Variants in NBAS observed in about 807,000 individuals in gnomAD.
NBAS encodes the protein NBAS subunit of NRZ tethering complex, also known as NAG/BC035112 fusion.
NBAS carries 219 observed loss-of-function variants against 302.5 expected under a neutral mutation model. That is an observed-to-expected ratio of 0.72 (90% CI 0.65 to 0.81). The LOEUF (loss-of-function observed/expected upper bound fraction) is 0.81, where lower values mean the gene tolerates loss of function less well. Among genes scored for constraint, NBAS ranks in the 30% least tolerant of loss-of-function variants. The pLI is 0.00. For synonymous variants in NBAS, 1,118 were observed against 1,021.6 expected, an observed-to-expected ratio of 1.09 and a Z score of -1.80; for missense variants, 2,932 against 2,841.6, an observed-to-expected ratio of 1.03 and a Z score of -0.72.
the NBAS span, among the ~76,000 whole-genome samples, chr2:14,846,422 A>T: frequency 6.6e-6 from 1 of 151,164 alleles, no homozygotes; most frequent in African/African-American, 2.5e-5. Context: ...AGAAATGCTA[A>T]AAGGAGTACT....
At chr2:15,006,500 G>T in the NBAS span, among the ~76,000 whole-genome samples, 1 of 152,026 alleles carries the variant, frequency 6.6e-6, no homozygotes, top group African/African-American at 2.4e-5. Context: ...AATATTAATT[G>T]TATACACAAT....
At chr2:14,906,529 C>A in the NBAS span, among the ~76,000 whole-genome samples, 1 of 152,100 alleles carries the variant, frequency 6.6e-6, no homozygotes, top group African/African-American at 2.4e-5. Flanking sequence ...TCCTGGGGAC[C>A]CACCTTTACT....
At chr2:15,213,423 A>G (rs1009376071) in intron 48 of NBAS, among the ~76,000 whole-genome samples, 2 of 152,208 alleles carry the variant, frequency 1.3e-5, no homozygotes, top group Non-Finnish European at 1.5e-5. Context: ...AATGTTTTCT[A>G]TTCTGTCAAA....
intron 13 of NBAS, among the ~76,000 whole-genome samples, chr2:15,476,598 G>A (rs998806080): frequency 6.6e-6 from 1 of 152,046 alleles, no homozygotes; most frequent in South Asian, 2.1e-4. Flanking sequence ...GTGCGTGCCT[G>A]TAGTTCCAAC....
the NBAS span, among the ~76,000 whole-genome samples, chr2:15,014,445 A>G: frequency 6.6e-6 from 1 of 152,168 alleles, no homozygotes; most frequent in African/African-American, 2.4e-5. Flanking sequence ...TCTAACCACA[A>G]TGGAATAAAA....
the NBAS span, among the ~76,000 whole-genome samples, chr2:15,034,027 G>GAAGAAGAAGAAGAAGAAGAAGA: frequency 0.014 from 902 of 63,682 alleles, 55 homozygotes; most frequent in East Asian, 0.025. Context: ...AGAAGAAGAA[G>GAAGAAGAAGAAGAAGAAGAAGA]AGGAGGAGGA....
At chr2:14,882,987 C>T in the NBAS span, among the ~76,000 whole-genome samples, 1 of 152,124 alleles carries the variant, frequency 6.6e-6, no homozygotes, top group African/African-American at 2.4e-5. Context: ...GATATTTGCC[C>T]ACATAAAACC....
At chr2:15,056,068 AATTAT>A in the NBAS span, among the ~76,000 whole-genome samples, 3 of 150,170 alleles carry the variant, frequency 2.0e-5, no homozygotes, top group Non-Finnish European at 2.9e-5. Context: ...AAATGGATTC[AATTAT>A]ATTATATTTT....
intron 7 of NBAS, among the ~76,000 whole-genome samples, chr2:15,537,534 T>C (rs1217810799): frequency 5.3e-5 from 8 of 152,024 alleles, no homozygotes; most frequent in African/African-American, 1.9e-4. Flanking sequence ...TCCCAACACA[T>C]TGAGAGGCCA....
the NBAS span, among the ~76,000 whole-genome samples, chr2:14,891,263 A>G: frequency 6.6e-6 from 1 of 152,218 alleles, no homozygotes; most frequent in African/African-American, 2.4e-5. Flanking sequence ...ATTTCCCACT[A>G]AGTTGATATG....
intron 44 of NBAS, among the ~76,000 whole-genome samples, chr2:15,242,642 T>TA (rs897427462): frequency 6.0e-5 from 9 of 150,322 alleles, no homozygotes; most frequent in South Asian, 4.2e-4. Context: ...TGTACCAGAG[T>TA]AAAAAAAATG....
the NBAS span, among the ~76,000 whole-genome samples, chr2:14,944,893 T>A: frequency 6.6e-6 from 1 of 152,276 alleles, no homozygotes; most frequent in East Asian, 1.9e-4. Context: ...AATCTCACTT[T>A]CCCCACTATC....
chr2:15,438,849 C>G (rs563078140), intron 21 of NBAS, among the ~76,000 whole-genome samples: 1 of 152,242 alleles, frequency 6.6e-6, no homozygotes, highest in South Asian at 2.1e-4. Context: ...GATGAAATCA[C>G]ACAAGGATGG....
chr2:14,911,916 C>T, the NBAS span, among the ~76,000 whole-genome samples: 37 of 152,308 alleles, frequency 2.4e-4, no homozygotes, highest in African/African-American at 8.4e-4. Flanking sequence ...AGTGATGTGT[C>T]ACTTAACAAC....
In NBAS at chr2:15,468,366, T is replaced by A. The variant is rs759305263; in HGVS notation, c.1877+16A>T. The A allele has an allele frequency of 1.9e-6, 3 of 1,613,858 alleles. No homozygotes were observed. On this transcript the variant is annotated intron_variant, in intron 17 of 51. Transcript: ENST00000281513. ...AAGTCACCTTTACTTTGAATCCAAT[T>A]CTTTCTGTAACCAACCTGCCATCAT... is the stretch of plus-strand genomic sequence containing the variant.
the NBAS span, among the ~76,000 whole-genome samples, chr2:15,001,269 G>GTT: frequency 6.6e-6 from 1 of 151,802 alleles, no homozygotes; most frequent in African/African-American, 2.4e-5. Flanking sequence ...AGAGAGATAT[G>GTT]TTATATATAT....
chr2:14,953,559 G>T, the NBAS span, among the ~76,000 whole-genome samples: 1 of 152,198 alleles, frequency 6.6e-6, no homozygotes, highest in Non-Finnish European at 1.5e-5. Context: ...GTGGGTATGT[G>T]TGTCTGGTCA....
the NBAS span, among the ~76,000 whole-genome samples, chr2:15,099,662 C>A: frequency 6.6e-6 from 1 of 151,916 alleles, no homozygotes; most frequent in Non-Finnish European, 1.5e-5. Flanking sequence ...ATGTCATGGC[C>A]ACATGTCTAG....
Position 15,260,052 on chromosome 2 carries a change from T to C in NBAS, c.5724+15432A>G, listed in dbSNP as rs532288371. 3.3e-5 allele frequency among the ~76,000 whole-genome samples: 5 copies of C among 152,370 alleles called. No individual in the cohort carries two copies. The South Asian group carries it at 8.3e-4, about 25-fold the overall frequency. On this transcript the variant is annotated intron_variant, in intron 44 of 51. Transcript: ENST00000281513. ...TGTGTTCTTGTATGTTTTTAAGTGA[T>C]AGCAGTAGATATCAAATCACATATG...
Sources: gnomAD v4.1 joint callset for allele counts (sites outside exome capture counted in the v4.1 genomes callset) on GRCh38, gnomAD v4.1.1 for gene constraint, MANE v1.5 for transcripts, NCBI Gene and HGNC (gene_info 2026-07-23, HGNC 2026-07-21) for gene names.